The following PDE4D variants were observed in gnomAD, a reference collection of about 807,000 sequenced individuals.
The protein encoded by PDE4D is phosphodiesterase 4D.
A neutral mutation model predicts 87.4 loss-of-function variants in PDE4D; 24 were observed. That is an observed-to-expected ratio of 0.27 (90% CI 0.20 to 0.39). The LOEUF (loss-of-function observed/expected upper bound fraction) is 0.39. Ranked by LOEUF, PDE4D falls within the 10% of genes least tolerant of loss-of-function variation. The pLI, the probability that PDE4D is intolerant of heterozygous loss-of-function variation, is 1.00. For synonymous variants in PDE4D, 384 were observed against 383.2 expected, an observed-to-expected ratio of 1.00 and a Z score of -0.02; for missense variants, 714 against 1,041.0, an observed-to-expected ratio of 0.69 and a Z score of 4.32.
intron 5 of PDE4D, among the ~76,000 whole-genome samples, chr5:59,135,056 CAAG>C (rs1365487788): frequency 6.6e-6 from 1 of 152,240 alleles, no homozygotes; most frequent in East Asian, 1.9e-4. Context: ...TGCGCACCAA[CAAG>C]AAGATTTTCC....
chr5:60,102,656 A>G lies in PDE4D; in HGVS notation c.42+82901T>C, dbSNP rs536947582. ...ATAGAGGGAAGACAGAGACTTATCA[A>G]AAAGAAAGGATAGAGATTACCCAGA... On this transcript the variant is annotated intron_variant, in intron 2 of 16. Coordinates refer to the PDE4D transcript ENST00000502484. Among the ~76,000 whole-genome samples, 15 of 152,306 alleles carry G rather than the reference A, an allele frequency of 9.8e-5. No individual in the cohort carries two copies. The East Asian group carries it at 2.7e-3, about 27-fold the overall frequency.
intron 3 of PDE4D, among the ~76,000 whole-genome samples, chr5:59,931,694 CTTTTTT>C (rs35943138): frequency 6.3e-5 from 8 of 126,576 alleles, no homozygotes; most frequent in African/African-American, 1.5e-4. Flanking sequence ...TCTTCTTCTT[CTTTTTT>C]TTTTTTTTTT....
At chr5:59,498,189 A>T (rs934892758) in intron 1 of PDE4D, among the ~76,000 whole-genome samples, 18 of 151,760 alleles carry the variant, frequency 1.2e-4, no homozygotes, top group Admixed American at 6.6e-4. Context: ...AAACATGAAA[A>T]CAAAAGGAAA....
intron 2 of PDE4D, among the ~76,000 whole-genome samples, chr5:60,137,262 C>T (rs1321668223): frequency 2.0e-5 from 3 of 152,164 alleles, no homozygotes; most frequent in Non-Finnish European, 4.4e-5. Flanking sequence ...AATGAACATA[C>T]ACGTGCATGT....
chr5:59,551,398 AC>A (rs1250549942), intron 1 of PDE4D, among the ~76,000 whole-genome samples: 1 of 151,258 alleles, frequency 6.6e-6, no homozygotes, highest in African/African-American at 2.4e-5. Flanking sequence ...ATTTTCCCAA[AC>A]GATAGCTGTT....
chr5:59,164,723 T>C (rs534586209), intron 5 of PDE4D, among the ~76,000 whole-genome samples: 1 of 152,168 alleles, frequency 6.6e-6, no homozygotes. Flanking sequence ...AATAATGCCT[T>C]CCTTCTGTTG....
intron 2 of PDE4D, among the ~76,000 whole-genome samples, chr5:60,042,029 T>C (rs1037797820): frequency 2.6e-5 from 4 of 152,110 alleles, no homozygotes; most frequent in African/African-American, 9.7e-5. Context: ...CCCACCCCTG[T>C]GGAGCCCAGC....
At chr5:59,344,519 C>A (rs1374268311) in intron 1 of PDE4D, among the ~76,000 whole-genome samples, 1 of 152,062 alleles carries the variant, frequency 6.6e-6, no homozygotes, top group Non-Finnish European at 1.5e-5. Context: ...CTCCCTCAGC[C>A]CCCAGAGTAG....
At chr5:59,596,653 C>T (rs532833141) in intron 1 of PDE4D, among the ~76,000 whole-genome samples, 88 of 152,062 alleles carry the variant, frequency 5.8e-4, no homozygotes, top group African/African-American at 1.7e-3. Flanking sequence ...AGTCTCTATA[C>T]CAAACATGAT....
intron 1 of PDE4D, among the ~76,000 whole-genome samples, chr5:59,523,434 T>A (rs1457598457): frequency 6.6e-6 from 1 of 152,252 alleles, no homozygotes; most frequent in African/African-American, 2.4e-5. Context: ...CTATGTTGTT[T>A]CTGAGAGAGC....
chr5:60,049,609 G>A (rs1235084643), intron 2 of PDE4D, among the ~76,000 whole-genome samples: 3 of 152,118 alleles, frequency 2.0e-5, no homozygotes, highest in Non-Finnish European at 4.4e-5. Flanking sequence ...CTGCAGGTCT[G>A]TTGGAGTACC....
At chr5:59,366,292 T>C (rs1392286452) in intron 1 of PDE4D, among the ~76,000 whole-genome samples, 1 of 152,196 alleles carries the variant, frequency 6.6e-6, no homozygotes, top group Non-Finnish European at 1.5e-5. Context: ...GGGTGGACTT[T>C]GTACAGGAAA....
At chr5:60,124,635 T>C (rs1165064673) in intron 2 of PDE4D, among the ~76,000 whole-genome samples, 4 of 152,194 alleles carry the variant, frequency 2.6e-5, no homozygotes, top group Non-Finnish European at 5.9e-5. Context: ...ATTCTTCCCA[T>C]TTACATAGCA....
At chr5:59,895,894 T>G (rs1420942123), upstream of PDE4D, among the ~76,000 whole-genome samples, 1 of 152,232 alleles carries the variant, frequency 6.6e-6, no homozygotes, top group Non-Finnish European at 1.5e-5. Flanking sequence ...TCATGAAAAC[T>G]TTATCTTTTA....
intron 1 of PDE4D, among the ~76,000 whole-genome samples, chr5:59,617,698 C>T (rs987332967): frequency 6.6e-6 from 1 of 152,212 alleles, no homozygotes; most frequent in Non-Finnish European, 1.5e-5. Flanking sequence ...AGAACTGGAA[C>T]AGTTCCTTCC....
chr5:60,123,782 C>T (rs536465919), intron 2 of PDE4D, among the ~76,000 whole-genome samples: 75 of 152,142 alleles, frequency 4.9e-4, no homozygotes, highest in Middle Eastern at 6.8e-3. Context: ...ATTTCCAGTC[C>T]CATTTGACCT....
At chr5:59,340,353 C>CA (rs111918443) in intron 1 of PDE4D, among the ~76,000 whole-genome samples, 24 of 152,198 alleles carry the variant, frequency 1.6e-4, no homozygotes, top group African/African-American at 5.8e-4. Context: ...AGCCATATTA[C>CA]AAAAAGTTAT....
chr5:59,057,289 G>A (rs921604787), intron 5 of PDE4D, among the ~76,000 whole-genome samples: 8 of 152,134 alleles, frequency 5.3e-5, no homozygotes, highest in African/African-American at 1.7e-4. Flanking sequence ...TTTGGAGTAA[G>A]GCAGTCCTTG....
intron 1 of PDE4D, among the ~76,000 whole-genome samples, chr5:59,882,770 CT>C (rs34177348): frequency 0.37 from 52,155 of 139,382 alleles, 9,964 homozygotes; most frequent in African/African-American, 0.52. Flanking sequence ...TCCTTTCCTT[CT>C]TTTTTTTTTT....
Sources: gnomAD v4.1 joint callset for allele counts (sites outside exome capture counted in the v4.1 genomes callset) on GRCh38, gnomAD v4.1.1 for gene constraint, MANE v1.5 for transcripts, NCBI Gene and HGNC (gene_info 2026-07-23, HGNC 2026-07-21) for gene names.